The following AGRN variants were observed in gnomAD, a reference collection of about 807,000 sequenced individuals.
The protein encoded by AGRN is agrin.
A neutral mutation model predicts 211.0 loss-of-function variants in AGRN; 106 were observed. The ratio of observed to expected loss-of-function variants is 0.50; its 90% CI spans 0.43 to 0.59. AGRN has a LOEUF of 0.59. Ranked by LOEUF, AGRN falls within the 20% of genes least tolerant of loss-of-function variation. The pLI, the probability that AGRN is intolerant of heterozygous loss-of-function variation, is 0.00. For missense variants in AGRN, 3,040 were observed against 2,982.6 expected, an observed-to-expected ratio of 1.02 and a Z score of -0.45; for synonymous variants, 1,525 against 1,332.5, an observed-to-expected ratio of 1.14 and a Z score of -3.15.
chr1:1,038,930 G>A (rs72900432), intron 3 of AGRN, among the ~76,000 whole-genome samples: 2,054 of 152,288 alleles, frequency 0.013, 47 homozygotes, highest in African/African-American at 0.047. Context: ...GAGCCAGGAC[G>A]GGGGAAGGCC....
At chr1:1,034,456 G>A (rs1644752016) in intron 2 of AGRN, 7 of 985,574 alleles carry the variant, frequency 7.1e-6, no homozygotes, top group Non-Finnish European at 8.4e-6. Context: ...GCCGCCCCAG[G>A]GGTCCCAGGA....
rs1644998459 is a variant in AGRN, at chr1:1,043,352, C to T, written c.1498C>T (p.Pro500Ser). Residue 500 changes from proline (P) to serine (S), a missense_variant, in exon 8 of 36, where the codon CCT becomes TCT. By Grantham distance (74) the Pro-to-Ser change is moderately conservative. Around this residue, in one of 3 missense-constraint regions of AGRN, gnomAD observed 1,498 missense variants for 1,457.8 expected, o/e 1.03. Transcript: ENST00000379370. ...GCAGGCGTGCTCGAGCCTCTACGAT[C>T]CTGTGTGCGGCAGCGACGGCGTCAC... is the stretch of plus-strand genomic sequence containing the variant. ...CLQACSSLYD[P>S]VCGSDGVTYG... 6.2e-7 allele frequency: 1 copy of T among 1,610,672 alleles called. No homozygotes were observed. Among genetic ancestry groups the T allele is most frequent in the South Asian group, 1.1e-5 (1 of 90,604 alleles).
chr1:1,038,014 T>TG (rs1369348217), intron 3 of AGRN, among the ~76,000 whole-genome samples: 7 of 151,692 alleles, frequency 4.6e-5, no homozygotes, highest in Admixed American at 6.6e-5. Context: ...GAGCGGAGAA[T>TG]GGGGGGGTGG....
chr1:1,047,084 T>C, intron 19 of AGRN, 127 bp downstream of exon 19: 1 of 1,454,170 alleles, frequency 6.9e-7, no homozygotes, highest in Non-Finnish European at 9.2e-7. Context: ...CTCAAACATG[T>C]GCGTGCCGGG....
Position 1,051,581 on chromosome 1 carries a change from C to T in AGRN, c.5499C>T (p.Val1833=), listed in dbSNP as rs573818556. Residue 1833 remains valine (V), a synonymous_variant, in exon 32 of 36, where the codon GTC becomes GTT. Coordinates refer to ENST00000379370, the MANE Select transcript of AGRN (RefSeq NM_198576.4). ...GHPCLNGASC[V]PREAAYVCLC... ...CCTGCCTCAATGGGGCCTCCTGCGT[C>T]CCGAGGGAGGCTGCCTATGTGTGCC... 1.0e-5 allele frequency: 16 copies of T among 1,599,886 alleles called. No homozygotes were observed. Among genetic ancestry groups the T allele is most frequent in the Admixed American group, 5.1e-5 (3 of 59,110 alleles).
Position 1,020,316 on chromosome 1 carries a change from C to G in AGRN, c.144C>G (p.Thr48=). The G allele has an allele frequency of 6.7e-7, 1 of 1,490,218 alleles. No homozygotes were observed. 92.3% of individuals were successfully genotyped at this position (1,490,218 alleles called of 1,614,324 possible). A position where few individuals can be genotyped will look rare whatever the true frequency, so the allele number is the denominator to read the frequency against. Residue 48 remains threonine, a synonymous_variant, in exon 1 of 36, where the codon ACC becomes ACG. Transcript: ENST00000379370. ...RREEEANVVL[T]GTVEEILNVD... is the part of the protein sequence containing the mutation. ...AGGAGGAGGCGAACGTGGTGCTCAC[C>G]GGGACGGTGGAGGAGATCCTCAACG...
At position 1,040,886 on chromosome 1, in the gene AGRN, CG is replaced by C; in HGVS notation, c.727+10del. 7.4e-7 allele frequency: 1 copy of C among 1,359,258 alleles called. No homozygotes were observed. The highest frequency in any genetic ancestry group is 1.4e-5 in the South Asian group (1 of 73,202). 84.2% of individuals were successfully genotyped at this position (1,359,258 alleles called of 1,614,324 possible). A position where few individuals can be genotyped will look rare whatever the true frequency, so the allele number is the denominator to read the frequency against. ...GCTCAGCCGCGGGCCGTGCGGTGAG[CG>C]GGGCGGGGCCGGTGCCTGGGGCGGG... On this transcript the variant is annotated splice_region_variant and intron_variant, in intron 4 of 35. Transcript: ENST00000379370.
Position 1,020,392 on chromosome 1 carries a change from C to G in AGRN, c.201+19C>G, listed in dbSNP as rs780017933. 81 of 1,489,716 alleles carry G rather than the reference C, an allele frequency of 5.4e-5. 1 individual carries two copies. In the Admixed American group the frequency reaches 1.0e-3, roughly 19 times the overall value. 92.3% of individuals were successfully genotyped at this position (1,489,716 alleles called of 1,614,324 possible). On this transcript the variant is annotated intron_variant, in intron 1 of 35. Coordinates refer to ENST00000379370, the MANE Select transcript of AGRN (RefSeq NM_198576.4). ...CTGCAAGGTGCGCCCACCCGGACCC[C>G]GGCCTCCCCTCGCGACGCCTGCCGC...
intron 2 of AGRN, chr1:1,033,988 C>T (rs1280530586): frequency 9.6e-6 from 4 of 415,634 alleles, no homozygotes; most frequent in African/African-American, 4.3e-5. Context: ...GCGTCTTCGC[C>T]CCTCACTCAC....
At chr1:1,052,227 C>A (rs961857643) in intron 33 of AGRN, 2 of 425,242 alleles carry the variant, frequency 4.7e-6, no homozygotes, top group South Asian at 1.9e-5. Context: ...CCACAGCCAA[C>A]CCCCACCACT....
Position 1,021,140 on chromosome 1 carries a change from G to A in AGRN, c.201+767G>A, listed in dbSNP as rs534734274. ...AATCCACTCATTTCCCTCCACGGAGGTGGAGAAGGTGGCAGCTTCTTTCAG... is the reference window on the plus strand; with the variant it reads ...AATCCACTCATTTCCCTCCACGGAGATGGAGAAGGTGGCAGCTTCTTTCAG... On this transcript the variant is annotated intron_variant, in intron 1 of 35. Coordinates refer to ENST00000379370, the MANE Select transcript of AGRN (RefSeq NM_198576.4). 3.9e-5 allele frequency among the ~76,000 whole-genome samples: 6 copies of A among 152,354 alleles called. No individual in the cohort carries two copies. In the South Asian group the frequency reaches 1.2e-3, roughly 32 times the overall value.
At chr1:1,045,906 T>C (rs1645077965) in intron 15 of AGRN, 30 bp downstream of exon 15, 1 of 1,610,462 alleles carries the variant, frequency 6.2e-7, no homozygotes, top group African/African-American at 1.3e-5. Flanking sequence ...ACCCTGGGGC[T>C]TCATGGGGTG....
chr1:1,020,221 C>T lies in AGRN; in HGVS notation c.49C>T (p.Leu17Phe), dbSNP rs1057523287. ...PGPLRPLLPL[L>F]VVAACVLPGA... ...CCCGCTGCGGCCGCTGCTGCCGCTC[C>T]TTGTGGTGGCCGCGTGCGTCCTGCC... is the stretch of plus-strand genomic sequence containing the variant. The change falls in exon 1 of 36, where the codon CTT (leucine) becomes TTT (phenylalanine). Residue 17 changes from leucine (L) to phenylalanine (F), a missense_variant. Leu to Phe is a conservative substitution (Grantham distance 22). Around this residue, in one of 3 missense-constraint regions of AGRN, gnomAD observed 1,498 missense variants for 1,457.8 expected, o/e 1.03. Coordinates refer to ENST00000379370, the MANE Select transcript of AGRN (RefSeq NM_198576.4). 5.7e-6 allele frequency: 8 copies of T among 1,415,326 alleles called. No homozygotes were observed. The Admixed American group carries it at 1.1e-4, about 20-fold the overall frequency. The allele number at this position is 1,415,326 out of a possible 1,614,324, so 87.7% of individuals were successfully genotyped here. A position where few individuals can be genotyped will look rare whatever the true frequency, so the allele number is the denominator to read the frequency against.
At chr1:1,027,894 T>C (rs1644553987) in intron 2 of AGRN, among the ~76,000 whole-genome samples, 1 of 152,112 alleles carries the variant, frequency 6.6e-6, no homozygotes, top group African/African-American at 2.4e-5. Context: ...CCCCTGCGTG[T>C]CCGCAGGTGG....
Position 1,049,362 on chromosome 1 carries a change from T to A in AGRN, c.4425T>A (p.Pro1475=), listed in dbSNP as rs778001018. The A allele has an allele frequency of 1.8e-5, 28 of 1,597,074 alleles. No homozygotes were observed. Among genetic ancestry groups the A allele is most frequent in the Non-Finnish European group, 9.3e-6 (11 of 1,179,230 alleles). Residue 1475 remains proline (P), a synonymous_variant, in exon 25 of 36, where the codon CCT becomes CCA. Coordinates refer to ENST00000379370, the MANE Select transcript of AGRN (RefSeq NM_198576.4). ...CCCTCTCGGTGGATGGTGAGACCCC[T>A]GTTCTGGGCGAGAGTCCCAGTGGCA... ...RGTLSVDGET[P]VLGESPSGTD...
At chr1:1,042,717 C>T (rs1453950731) in intron 7 of AGRN, among the ~76,000 whole-genome samples, 1 of 152,190 alleles carries the variant, frequency 6.6e-6, no homozygotes, top group Non-Finnish European at 1.5e-5. Context: ...GATGAGGTGC[C>T]GTGCCTGCCC....
chr1:1,048,641 G>A lies in AGRN; in HGVS notation c.4106-226G>A, dbSNP rs1645172314. On this transcript the variant is annotated intron_variant, in intron 23 of 35. Coordinates refer to ENST00000379370, the MANE Select transcript of AGRN (RefSeq NM_198576.4). This position sits in a 1 kb window ranked among gnomAD's most constrained non-coding sequence, Gnocchi z 5.9. ...CAAAATTAGCCGGGCGTGGTGGTGGGCGCCTGTAATCCCACCTCGTGAGGC... is the reference window on the plus strand; with the variant it reads ...CAAAATTAGCCGGGCGTGGTGGTGGACGCCTGTAATCCCACCTCGTGAGGC... 1 of 610,320 alleles carries A rather than the reference G, an allele frequency of 1.6e-6. No individual in the cohort carries two copies. 37.8% of individuals were successfully genotyped at this position (610,320 alleles called of 1,614,324 possible). A position where few individuals can be genotyped will look rare whatever the true frequency, so the allele number is the denominator to read the frequency against.
At position 1,022,417 on chromosome 1, in the gene AGRN, C is replaced by T. The variant is rs543486876; in HGVS notation, c.418C>T (p.Arg140Trp). ...GCTGATGCTCAACTCCAGCCTCATG[C>T]GGATCACCCTGCGGAACCTGGAGGA... is the stretch of plus-strand genomic sequence containing the variant. ...NELMLNSSLM[R>W]ITLRNLEEVE... The change falls in exon 2 of 36, where the codon CGG (arginine) becomes TGG (tryptophan). Residue 140 changes from arginine to tryptophan, a missense_variant. Physicochemically the swap from Arg to Trp is moderately radical, Grantham distance 101. This residue lies in a region of AGRN where 1,498 missense variants were observed against 1,457.8 expected (regional missense o/e 1.03). Coordinates refer to ENST00000379370, the MANE Select transcript of AGRN (RefSeq NM_198576.4). 5.0e-6 allele frequency: 8 copies of T among 1,613,024 alleles called. No individual in the cohort carries two copies. The highest frequency in any genetic ancestry group is 2.7e-5 in the African/African-American group (2 of 75,028).
intron 2 of AGRN, among the ~76,000 whole-genome samples, chr1:1,023,679 C>T (rs552674399): frequency 4.7e-4 from 72 of 152,224 alleles, no homozygotes; most frequent in South Asian, 3.9e-3. Context: ...GGGTCCAGCC[C>T]GAGAGTCCGT....
Sources: gnomAD v4.1 joint callset for allele counts (sites outside exome capture counted in the v4.1 genomes callset) on GRCh38, gnomAD v4.1.1 for gene constraint, gnomAD v4.1.1 regional missense constraint, Gnocchi (gnomAD v3.1) non-coding constraint, MANE v1.5 for transcripts, NCBI Gene and HGNC (gene_info 2026-07-23, HGNC 2026-07-21) for gene names.